The following TBC1D12 variants were observed in gnomAD, a reference collection of about 807,000 sequenced individuals.
TBC1D12 encodes TBC1 domain family, member 12.
A neutral mutation model predicts 86.7 loss-of-function variants in TBC1D12; 56 were observed. The observed-to-expected ratio is 0.65, with a 90% confidence interval of 0.52 to 0.81. TBC1D12 has a LOEUF of 0.81. Among genes scored for constraint, TBC1D12 ranks in the 30% least tolerant of loss-of-function variants. The pLI is 0.00. For missense variants in TBC1D12, 1,023 were observed against 1,038.8 expected (o/e 0.98, Z 0.21); for synonymous variants, 421 against 411.7 (o/e 1.02, Z -0.27).
In TBC1D12 at chr10:94,406,021, G is replaced by T. The variant is rs1218193299; in HGVS notation, c.971+2437G>T. Among the ~76,000 whole-genome samples the T allele has an allele frequency of 5.3e-5, 8 of 152,022 alleles. No individual in the cohort carries two copies. The East Asian group carries it at 1.5e-3, about 29-fold the overall frequency. Reference sequence around the variant, plus strand: ...AGACCAGGTTTCACCATGTTGGCCAGGCTGGTCTTGAACTCCTGACCTCAG... The same window carrying T: ...AGACCAGGTTTCACCATGTTGGCCATGCTGGTCTTGAACTCCTGACCTCAG... On this transcript the variant is annotated intron_variant, in intron 1 of 12. Transcript: ENST00000225235.
At chr10:94,494,191 T>C (rs73327491) in intron 4 of TBC1D12, among the ~76,000 whole-genome samples, 3,503 of 152,226 alleles carry the variant, frequency 0.023, 131 homozygotes, top group African/African-American at 0.077. Context: ...AAAAAAATAA[T>C]ATCAGGATAA....
chr10:94,507,755 G>A (rs1232111584), intron 7 of TBC1D12, among the ~76,000 whole-genome samples: 2 of 152,154 alleles, frequency 1.3e-5, no homozygotes, highest in Non-Finnish European at 2.9e-5. Context: ...GGGGGCCAAG[G>A]CAGGTGGATC....
chr10:94,439,439 C>T (rs181463337), intron 1 of TBC1D12, among the ~76,000 whole-genome samples: 6 of 152,258 alleles, frequency 3.9e-5, no homozygotes, highest in African/African-American at 7.2e-5. Flanking sequence ...AGGAAATTGG[C>T]ACACTGTTGC....
At chr10:94,458,686 G>A (rs1037082680) in intron 2 of TBC1D12, among the ~76,000 whole-genome samples, 3 of 152,070 alleles carry the variant, frequency 2.0e-5, no homozygotes, top group Non-Finnish European at 2.9e-5. Flanking sequence ...TGGTGGGTTC[G>A]CGGTCTCGCT....
At chr10:94,409,374 C>CT (rs71306819) in intron 1 of TBC1D12, among the ~76,000 whole-genome samples, 50,306 of 125,400 alleles carry the variant, frequency 0.4, 10,810 homozygotes, top group East Asian at 0.72. Flanking sequence ...ATTAAATTAA[C>CT]TTTTTTTTTT....
chr10:94,528,435 G>T (rs1376781276), intron 11 of TBC1D12, among the ~76,000 whole-genome samples: 1 of 152,158 alleles, frequency 6.6e-6, no homozygotes, highest in Non-Finnish European at 1.5e-5. Flanking sequence ...TTTTAACTTG[G>T]AGAGTTTGCC....
At chr10:94,423,200 AGT>A (rs1465689153) in intron 1 of TBC1D12, among the ~76,000 whole-genome samples, 1 of 152,190 alleles carries the variant, frequency 6.6e-6, no homozygotes, top group Non-Finnish European at 1.5e-5. Context: ...TGCCAGGAAC[AGT>A]GGTTTTTCTG....
chr10:94,441,556 C>A (rs544768811), intron 1 of TBC1D12, among the ~76,000 whole-genome samples: 27 of 152,116 alleles, frequency 1.8e-4, no homozygotes, highest in African/African-American at 6.3e-4. Flanking sequence ...GATGATTCTT[C>A]TAATACCTCT....
At chr10:94,503,320 A>T (rs1035350329) in intron 6 of TBC1D12, among the ~76,000 whole-genome samples, 6 of 152,242 alleles carry the variant, frequency 3.9e-5, no homozygotes, top group African/African-American at 1.4e-4. Context: ...CCATACGAGG[A>T]TGACTGAAAA....
At chr10:94,502,246 C>T (rs532943236) in intron 6 of TBC1D12, among the ~76,000 whole-genome samples, 148 of 152,068 alleles carry the variant, frequency 9.7e-4, no homozygotes, top group African/African-American at 3.3e-3. Context: ...GCAGGAGAAT[C>T]GCTTGAACCC....
chr10:94,427,516 G>A (rs2055162036), intron 1 of TBC1D12, among the ~76,000 whole-genome samples: 1 of 151,804 alleles, frequency 6.6e-6, no homozygotes. Flanking sequence ...ATTCTATTTT[G>A]TTCTCTCCTG....
intron 1 of TBC1D12, among the ~76,000 whole-genome samples, chr10:94,428,067 C>G (rs1430781077): frequency 6.6e-6 from 1 of 151,912 alleles, no homozygotes; most frequent in Non-Finnish European, 1.5e-5. Context: ...AGTTGTGAAG[C>G]TCTTACATCT....
chr10:94,434,371 T>C (rs2055264502), intron 1 of TBC1D12, among the ~76,000 whole-genome samples: 1 of 151,796 alleles, frequency 6.6e-6, no homozygotes, highest in South Asian at 2.1e-4. Context: ...CCAGGCGTGG[T>C]GGTGTGCGCC....
intron 3 of TBC1D12, among the ~76,000 whole-genome samples, chr10:94,492,141 T>C (rs2056253320): frequency 6.6e-6 from 1 of 152,138 alleles, no homozygotes; most frequent in African/African-American, 2.4e-5. Flanking sequence ...GGCAACATAT[T>C]GTGCTGGGTT....
chr10:94,519,673 G>A (rs992416715), intron 9 of TBC1D12, among the ~76,000 whole-genome samples: 9 of 152,164 alleles, frequency 5.9e-5, no homozygotes. Context: ...AGTTCTAGGG[G>A]AGAATACATT....
Position 94,402,795 on chromosome 10 carries a change from A to T in TBC1D12, c.182A>T (p.Glu61Val), listed in dbSNP as rs939050578. The change falls in exon 1 of 13, where the codon GAG becomes GTG. Residue 61 changes from glutamate to valine, a missense_variant. By Grantham distance (121) the Glu-to-Val change is moderately radical. Coordinates refer to ENST00000225235, the MANE Select transcript of TBC1D12 (RefSeq NM_015188.2). ...GACGAGGAGGAGGAGGCTGACGAGG[A>T]GGAGGAGACGCCGCCTCGGCAGCTC... ...EADEEEEADE[E>V]EETPPRQLLQ... The T allele has an allele frequency of 1.9e-6, 3 of 1,541,462 alleles. No homozygotes were observed. Among genetic ancestry groups the T allele is most frequent in the Non-Finnish European group, 2.6e-6 (3 of 1,142,894 alleles).
At chr10:94,498,911 A>G (rs1394342830) in intron 5 of TBC1D12, among the ~76,000 whole-genome samples, 2 of 151,972 alleles carry the variant, frequency 1.3e-5, no homozygotes, top group African/African-American at 4.8e-5. Flanking sequence ...CTGGGACTAC[A>G]GGTATGTGCT....
intron 2 of TBC1D12, among the ~76,000 whole-genome samples, chr10:94,469,765 A>T (rs973048640): frequency 5.9e-5 from 9 of 151,914 alleles, no homozygotes; most frequent in African/African-American, 1.9e-4. Context: ...TTCTTTCCTG[A>T]TGGGGCACTT....
rs375617518 is a variant in TBC1D12 at position 94,514,986 on chromosome 10, C to T, written c.1761+3332C>T. On this transcript the variant is annotated intron_variant, in intron 9 of 12. Coordinates refer to ENST00000225235, the MANE Select transcript of TBC1D12 (RefSeq NM_015188.2). ...GCAGTGGCGGGATCTCGGCTCACTG[C>T]AAGCTCCGCCTCCCGGGTTCACGCC... Among the ~76,000 whole-genome samples, 20 of 145,636 alleles carry T rather than the reference C, an allele frequency of 1.4e-4. No individual in the cohort carries two copies. The East Asian group carries it at 2.4e-3, about 18-fold the overall frequency.
Sources: allele counts gnomAD v4.1 joint callset (sites outside exome capture counted in the v4.1 genomes callset), GRCh38; gene constraint gnomAD v4.1.1; transcripts MANE v1.5; gene names NCBI Gene and HGNC (gene_info 2026-07-23, HGNC 2026-07-21).